UBA2: variants seen among roughly 807,000 people sequenced by gnomAD.
UBA2 encodes the protein ubiquitin like modifier activating enzyme 2, also known as SUMO-activating enzyme subunit 2.
In UBA2, 11 loss-of-function variants were observed where a neutral mutation model predicts 77.2. The observed-to-expected ratio is 0.14, with a 90% confidence interval of 0.09 to 0.24. The LOEUF (loss-of-function observed/expected upper bound fraction) is 0.24. Among genes scored for constraint, UBA2 ranks in the 10% least tolerant of loss-of-function variants. The pLI, the probability that UBA2 is intolerant of heterozygous loss-of-function variation, is 1.00. For missense variants in UBA2, 487 were observed against 781.7 expected, an observed-to-expected ratio of 0.62 and a Z score of 4.50; for synonymous variants, 278 against 276.7, an observed-to-expected ratio of 1.00 and a Z score of -0.05.
At position 34,434,774 on chromosome 19, in the gene UBA2, A is replaced by G. The variant is rs1041639788; in HGVS notation, c.359-94A>G. ...CTATAAGAAAATTGTACAAAAAATG[A>G]AGCCAGTAAGATAGTTTTGAGTCTG... On this transcript the variant is annotated intron_variant, in intron 4 of 16. Transcript: ENST00000246548. 28 of 892,548 alleles carry G rather than the reference A, an allele frequency of 3.1e-5. No homozygotes were observed. The African/African-American group carries it at 4.3e-4, about 14-fold the overall frequency. The allele number at this position is 892,548 out of a possible 1,614,324, so 55.3% of individuals were successfully genotyped here.
At chr19:34,464,718 A>G (rs936928831) in intron 15 of UBA2, among the ~76,000 whole-genome samples, 18 of 152,234 alleles carry the variant, frequency 1.2e-4, no homozygotes, top group Non-Finnish European at 2.9e-5. Context: ...GAATAAAATT[A>G]TTAATTATTT....
At chr19:34,445,166 GC>G in intron 8 of UBA2, 45 bp downstream of exon 8, 1 of 1,565,788 alleles carries the variant, frequency 6.4e-7, no homozygotes, top group African/African-American at 1.4e-5. Flanking sequence ...GTATTGTTGT[GC>G]ATAGATGTAT....
At chr19:34,444,045 T>TTTTG in intron 7 of UBA2, 134 bp downstream of exon 7, 1 of 20,756 alleles carries the variant, frequency 4.8e-5, no homozygotes, top group Non-Finnish European at 1.8e-4. Flanking sequence ...TTTTTTTTTG[T>TTTTG]TTTTTTTTTT....
At chr19:34,458,383 G>A (rs1259110607) in intron 12 of UBA2, among the ~76,000 whole-genome samples, 9 of 151,226 alleles carry the variant, frequency 6.0e-5, no homozygotes, top group East Asian at 3.9e-4. Context: ...GTGAAACCCC[G>A]TCTCTACTAA....
At chr19:34,453,675 C>T (rs753765616) in intron 10 of UBA2, among the ~76,000 whole-genome samples, 20 of 152,002 alleles carry the variant, frequency 1.3e-4, no homozygotes, top group Middle Eastern at 3.4e-3. Flanking sequence ...TTTAGGTGTG[C>T]GCCACCATGC....
chr19:34,458,610 G>C, intron 12 of UBA2, 159 bp from the exon 13 acceptor site: 1 of 372,692 alleles, frequency 2.7e-6, no homozygotes, highest in East Asian at 4.7e-5. Flanking sequence ...GAAAAACCAG[G>C]TTCCTAAAAA....
chr19:34,441,528 A>G (rs915320680), intron 6 of UBA2, among the ~76,000 whole-genome samples: 17 of 152,226 alleles, frequency 1.1e-4, no homozygotes, highest in African/African-American at 4.1e-4. Flanking sequence ...AATGTTCTCA[A>G]CCCGATAAAG....
chr19:34,456,303 C>T (rs778458035), intron 12 of UBA2, among the ~76,000 whole-genome samples: 7 of 150,954 alleles, frequency 4.6e-5, no homozygotes, highest in East Asian at 4.0e-4. Flanking sequence ...TTAGTAGAGA[C>T]GGTGTTTCAC....
intron 8 of UBA2, among the ~76,000 whole-genome samples, chr19:34,449,102 A>G (rs1187314402): frequency 8.4e-6 from 1 of 119,246 alleles, no homozygotes; most frequent in African/African-American, 3.4e-5. Context: ...ACTGAGTCTC[A>G]CTCTGTTGCC....
chr19:34,447,796 C>T (rs1185319522), intron 8 of UBA2, among the ~76,000 whole-genome samples: 1 of 152,210 alleles, frequency 6.6e-6, no homozygotes, highest in Non-Finnish European at 1.5e-5. Flanking sequence ...TCCTGGCCTG[C>T]ATACCCATTT....
At chr19:34,466,616 G>T (rs967979624) in intron 15 of UBA2, among the ~76,000 whole-genome samples, 7 of 151,838 alleles carry the variant, frequency 4.6e-5, no homozygotes, top group African/African-American at 1.7e-4. Flanking sequence ...ATCCAAGGTG[G>T]GTATGGTTGG....
intron 12 of UBA2, among the ~76,000 whole-genome samples, chr19:34,457,174 AAAAAAATATATAT>A (rs964888909): frequency 2.0e-5 from 2 of 99,914 alleles, no homozygotes; most frequent in African/African-American, 1.1e-4. Context: ...ACTAAAAAAA[AAAAAAATATATAT>A]ATATATATAT....
intron 16 of UBA2, among the ~76,000 whole-genome samples, chr19:34,467,956 C>CT (rs1474630857): frequency 6.6e-6 from 1 of 152,148 alleles, no homozygotes; most frequent in African/African-American, 2.4e-5. Context: ...ATCCATGCAT[C>CT]TGACTATTTT....
intron 2 of UBA2, 103 bp from the exon 3 acceptor site, chr19:34,431,758 A>G: frequency 1.0e-6 from 1 of 970,414 alleles, no homozygotes; most frequent in East Asian, 2.4e-5. Flanking sequence ...GTTTAATATA[A>G]ATAAGGTACT....
At chr19:34,461,304 T>C (rs1420224156) in intron 14 of UBA2, among the ~76,000 whole-genome samples, 1 of 152,226 alleles carries the variant, frequency 6.6e-6, no homozygotes, top group African/African-American at 2.4e-5. Context: ...ATTCATACTT[T>C]GTGAGGTCCT....
chr19:34,448,293 T>C lies in UBA2; in HGVS notation c.772-1972T>C, dbSNP rs145277316. 4.0e-5 allele frequency among the ~76,000 whole-genome samples: 6 copies of C among 151,736 alleles called. No homozygotes were observed. The East Asian group carries it at 1.2e-3, about 29-fold the overall frequency. On this transcript the variant is annotated intron_variant, in intron 8 of 16. Transcript: ENST00000246548. ...TTTGCATGTATATGGTGAAGATCAG[T>C]GGAATAAAAAATGGTACCTGGCTGG...
chr19:34,460,651 A>G, intron 14 of UBA2, 85 bp downstream of exon 14: 3 of 981,880 alleles, frequency 3.1e-6, no homozygotes, highest in Non-Finnish European at 4.5e-6. Flanking sequence ...ACTGTATGTG[A>G]TACTCAGTAT....
At chr19:34,466,632 G>T (rs2075690943) in intron 15 of UBA2, among the ~76,000 whole-genome samples, 1 of 151,926 alleles carries the variant, frequency 6.6e-6, no homozygotes, top group Non-Finnish European at 1.5e-5. Flanking sequence ...GTTGGCTCAC[G>T]CCTGTAATCC....
At chr19:34,443,073 A>T (rs916840831) in intron 6 of UBA2, among the ~76,000 whole-genome samples, 2 of 152,140 alleles carry the variant, frequency 1.3e-5, no homozygotes, top group Non-Finnish European at 2.9e-5. Flanking sequence ...GTTTGTTAAC[A>T]CTCTGTTCAG....
Sources: allele counts gnomAD v4.1 joint callset (sites outside exome capture counted in the v4.1 genomes callset), GRCh38; gene constraint gnomAD v4.1.1; transcripts MANE v1.5; gene names NCBI Gene and HGNC (gene_info 2026-07-23, HGNC 2026-07-21).